The following CCDC180 variants were observed in gnomAD, a reference collection of about 807,000 sequenced individuals.
CCDC180 encodes the protein coiled-coil domain-containing protein 180.
Under a neutral mutation model 209.2 loss-of-function variants are expected in CCDC180, and 154 were observed. The observed-to-expected ratio is 0.74, with a 90% CI of 0.65 to 0.84. The LOEUF is 0.84. CCDC180 is among the 40% of genes least tolerant of loss of function. The pLI is 0.00. For missense variants in CCDC180, 1,874 were observed against 1,997.3 expected, an observed-to-expected ratio of 0.94 and a Z score of 1.18; for synonymous variants, 778 against 749.1, an observed-to-expected ratio of 1.04 and a Z score of -0.63.
At chr9:97,362,538 G>A in intron 28 of CCDC180, 97 bp downstream of exon 28, 2 of 1,520,938 alleles carry the variant, frequency 1.3e-6, no homozygotes, top group Non-Finnish European at 1.8e-6. Flanking sequence ...TTCCTCAGAA[G>A]GCACCACAAT....
At chr9:97,343,311 A>G in intron 18 of CCDC180, 29 bp from the exon 19 acceptor site, 1 of 1,430,214 alleles carries the variant, frequency 7.0e-7, no homozygotes, top group Non-Finnish European at 9.8e-7. Context: ...GATGATATCA[A>G]GTCAACTTTA....
chr9:97,342,651 C>T (rs1826121194), intron 18 of CCDC180, among the ~76,000 whole-genome samples: 1 of 152,174 alleles, frequency 6.6e-6, no homozygotes, highest in African/African-American at 2.4e-5. Flanking sequence ...ACTCTTCAAC[C>T]TTCAACTGTA....
chr9:97,328,540 G>A (rs1825628176), intron 16 of CCDC180, among the ~76,000 whole-genome samples: 1 of 151,954 alleles, frequency 6.6e-6, no homozygotes. Flanking sequence ...TAACCACAAA[G>A]GCCCCACTCT....
chr9:97,327,489 A>G (rs1833571948), intron 15 of CCDC180, among the ~76,000 whole-genome samples: 1 of 152,168 alleles, frequency 6.6e-6, no homozygotes. Context: ...CAATTTCTCA[A>G]TATGACAAGC....
chr9:97,375,782 G>T (rs957814887), intron 36 of CCDC180, 193 bp downstream of exon 36: 10 of 657,316 alleles, frequency 1.5e-5, no homozygotes, highest in Admixed American at 2.9e-5. Context: ...CATTAATGTG[G>T]GTCTGAGGCG....
chr9:97,307,424 A>G (rs1387482943), upstream of CCDC180: 8 of 578,002 alleles, frequency 1.4e-5, no homozygotes, highest in Non-Finnish European at 2.3e-5. Flanking sequence ...CCTCCCTCCA[A>G]TCTACCGGGC....
Position 97,376,904 on chromosome 9 carries a change from C to T in CCDC180, c.*10C>T. ...AGGCCTGTATGTGTGACCCTCCGCC[C>T]CACCATGAATAAACACTTTCTTATA... On this transcript the variant is annotated 3_prime_UTR_variant, in exon 37 of 37. Coordinates refer to ENST00000529487, the MANE Select transcript of CCDC180 (RefSeq NM_020893.6). 6.2e-7 allele frequency: 1 copy of T among 1,607,748 alleles called. No homozygotes were observed.
chr9:97,351,977 G>T (rs1376773187), intron 22 of CCDC180, among the ~76,000 whole-genome samples: 1 of 152,112 alleles, frequency 6.6e-6, no homozygotes, highest in Non-Finnish European at 1.5e-5. Flanking sequence ...GCTGGGCATG[G>T]TGGCAGATGC....
intron 19 of CCDC180, among the ~76,000 whole-genome samples, chr9:97,346,092 A>C (rs1826255382): frequency 6.6e-6 from 1 of 152,158 alleles, no homozygotes; most frequent in Non-Finnish European, 1.5e-5. Context: ...CCATACAGAT[A>C]ACCAGTTGAT....
chr9:97,311,124 C>T (rs1280035908), intron 3 of CCDC180, among the ~76,000 whole-genome samples: 1 of 152,196 alleles, frequency 6.6e-6, no homozygotes, highest in East Asian at 1.9e-4. Flanking sequence ...CCAGGGCAGA[C>T]TCCTGGGTGG....
In CCDC180 at chr9:97,312,000, TTGC is replaced by T. The variant is rs141171940; in HGVS notation, c.261-106_261-104del. 2.8e-3 allele frequency: 2,440 copies of T among 872,912 alleles called. 43 individuals carry two copies. In the African/African-American group the frequency reaches 0.035, roughly 12 times the overall value. The allele number at this position is 872,912 out of a possible 1,614,324, so 54.1% of individuals were successfully genotyped here. On this transcript the variant is annotated intron_variant, in intron 3 of 36. Coordinates refer to ENST00000529487, the MANE Select transcript of CCDC180 (RefSeq NM_020893.6). ...CTGGAATTGGGGTGTGCCTGGTCCA[TTGC>T]TGCTGCCCACAGTCCCTCTGGAGAA...
At position 97,347,812 on chromosome 9, in the gene CCDC180, A is replaced by G. The variant is rs1382754542; in HGVS notation, c.2674+323A>G. The G allele has an allele frequency of 3.1e-5, 7 of 225,552 alleles. No individual in the cohort carries two copies. In the East Asian group the frequency reaches 6.7e-4, roughly 22 times the overall value. The allele number at this position is 225,552 out of a possible 1,614,324, so 14.0% of individuals were successfully genotyped here. On this transcript the variant is annotated intron_variant, in intron 20 of 36. Transcript: ENST00000529487. ...ATACACCTGTCAGATACACACCTGCATGGTGGATGTTCTAGAGGCAAGCTC... is the reference window on the plus strand; with the variant it reads ...ATACACCTGTCAGATACACACCTGCGTGGTGGATGTTCTAGAGGCAAGCTC...
At position 97,374,513 on chromosome 9, in the gene CCDC180, T is replaced by C. The variant is rs1368695605; in HGVS notation, c.4601-30T>C. On this transcript the variant is annotated intron_variant, in intron 34 of 36. Coordinates refer to ENST00000529487, the MANE Select transcript of CCDC180 (RefSeq NM_020893.6). ...CTCGATCTCAGGCTGTCGGTGAGGC[T>C]GCAGTCACTAGCCTGTCTTTTGCCT... The C allele has an allele frequency of 2.6e-6, 4 of 1,550,608 alleles. No homozygotes were observed. In the African/African-American group the frequency reaches 4.1e-5, roughly 16 times the overall value.
upstream of CCDC180, chr9:97,307,651 G>T: frequency 7.4e-7 from 1 of 1,342,690 alleles, no homozygotes; most frequent in Non-Finnish European, 1.1e-6. Context: ...AGTCCCAACC[G>T]ACACCTTGAG....
intron 18 of CCDC180, among the ~76,000 whole-genome samples, chr9:97,339,242 T>G (rs1367726947): frequency 6.6e-6 from 1 of 152,242 alleles, no homozygotes; most frequent in African/African-American, 2.4e-5. Context: ...TGATGCAGTT[T>G]CTTCCTAGCA....
intron 9 of CCDC180, among the ~76,000 whole-genome samples, chr9:97,318,231 C>A (rs1833240971): frequency 6.6e-6 from 1 of 152,212 alleles, no homozygotes; most frequent in South Asian, 2.1e-4. Context: ...ACCTGACGAT[C>A]CCTCCATTCT....
At chr9:97,371,786 A>G (rs979954509) in intron 34 of CCDC180, 80 bp downstream of exon 34, 26 of 787,560 alleles carry the variant, frequency 3.3e-5, no homozygotes, top group African/African-American at 1.7e-4. Flanking sequence ...GCTTTCCCCA[A>G]CTCTATCAAA....
At position 97,366,412 on chromosome 9, in the gene CCDC180, GA is replaced by G; in HGVS notation, c.4048-146del. ...GAGGCGACACGGGCAGACAGGGAAG[GA>G]GGAGTGTCTGCTCGTGTCACTTCCA... On this transcript the variant is annotated intron_variant, in intron 30 of 36. Transcript: ENST00000529487. This position sits in a 1 kb window ranked among gnomAD's most constrained non-coding sequence, Gnocchi z 4.3. The G allele has an allele frequency of 1.3e-6, 1 of 749,382 alleles. No individual in the cohort carries two copies. Among genetic ancestry groups the G allele is most frequent in the Non-Finnish European group, 2.1e-6 (1 of 470,322 alleles). The allele number at this position is 749,382 out of a possible 1,614,324, so 46.4% of individuals were successfully genotyped here. A position where few individuals can be genotyped will look rare whatever the true frequency, so the allele number is the denominator to read the frequency against.
chr9:97,320,136 C>T lies in CCDC180; in HGVS notation c.1090C>T (p.Pro364Ser), dbSNP rs769408833. The change falls in exon 11 of 37, where the codon CCC becomes TCC. Residue 364 changes from proline to serine, a missense_variant. Pro to Ser is a moderately conservative substitution (Grantham distance 74). Coordinates refer to ENST00000529487, the MANE Select transcript of CCDC180 (RefSeq NM_020893.6). ...KHLCTICDLL[P>S]PSYSKTQLTE... ...TATCTTCCTTCCCAGTGACCTCCTGCCCCCCAGTTACAGCAAAACTCAGCT... is the reference window on the plus strand; with the variant it reads ...TATCTTCCTTCCCAGTGACCTCCTGTCCCCCAGTTACAGCAAAACTCAGCT... The T allele has an allele frequency of 1.2e-6, 2 of 1,613,736 alleles. No homozygotes were observed. Among genetic ancestry groups the T allele is most frequent in the Admixed American group, 1.7e-5 (1 of 59,996 alleles).
Sources: gnomAD v4.1 joint callset for allele counts (sites outside exome capture counted in the v4.1 genomes callset) on GRCh38, gnomAD v4.1.1 for gene constraint, Gnocchi (gnomAD v3.1) non-coding constraint, MANE v1.5 for transcripts, NCBI Gene and HGNC (gene_info 2026-07-23, HGNC 2026-07-21) for gene names.